Variants in DENND2A observed in about 807,000 individuals in gnomAD.
DENND2A encodes DENN domain containing 2A.
A neutral mutation model predicts 105.3 loss-of-function variants in DENND2A; 53 were observed. That is an observed-to-expected ratio of 0.50 (90% CI 0.40 to 0.63). The LOEUF (loss-of-function observed/expected upper bound fraction) is 0.63. Among genes scored for constraint, DENND2A ranks in the 30% least tolerant of loss-of-function variants. The pLI is 0.00. For missense variants in DENND2A, 1,138 were observed against 1,279.6 expected, an observed-to-expected ratio of 0.89 and a Z score of 1.69; for synonymous variants, 522 against 508.4, an observed-to-expected ratio of 1.03 and a Z score of -0.36.
chr7:140,602,294 G>A lies in DENND2A; in HGVS notation c.104C>T (p.Ala35Val), dbSNP rs985783872. 1.2e-6 allele frequency: 2 copies of A among 1,608,858 alleles called. No individual in the cohort carries two copies. Residue 35 changes from alanine to valine, a missense_variant, in exon 3 of 20, where the codon GCC becomes GTC. Physicochemically the swap from Ala to Val is moderately conservative, Grantham distance 64. Transcript: ENST00000496613. ...GGACTTGTGCCGGGGTCTGGCTCTGGCAGATGGGCAAGGGTTCTGAACACC... is the reference window on the plus strand; with the variant it reads ...GGACTTGTGCCGGGGTCTGGCTCTGACAGATGGGCAAGGGTTCTGAACACC... ...LRGVQNPCPSARARPRHKSLN... is the reference protein window; with the variant it reads ...LRGVQNPCPSVRARPRHKSLN...
Position 140,640,055 on chromosome 7 carries a change from C to T in DENND2A, c.-248+449G>A, listed in dbSNP as rs1419632038. ...CAAATGCTGACCGCTGTGAGGGGGG[C>T]CCGGCTGCTCAGCCGCCTCGATGCC... On this transcript the variant is annotated intron_variant, in intron 1 of 19. Coordinates refer to ENST00000496613, the MANE Select transcript of DENND2A (RefSeq NM_015689.5). The surrounding 1 kb of genome is among the most constrained non-coding windows in gnomAD (Gnocchi z 4.9). Among the ~76,000 whole-genome samples, 1 of 152,242 alleles carries T rather than the reference C, an allele frequency of 6.6e-6. No individual in the cohort carries two copies. Among genetic ancestry groups the T allele is most frequent in the South Asian group, 2.1e-4 (1 of 4,834 alleles).
intron 14 of DENND2A, among the ~76,000 whole-genome samples, chr7:140,536,074 C>G (rs1585572558): frequency 1.3e-5 from 2 of 152,122 alleles, no homozygotes; most frequent in African/African-American, 4.8e-5. Flanking sequence ...TAGAGAAGGC[C>G]GGGCATGGTG....
rs1205615191 is a variant in DENND2A at position 140,596,980 on chromosome 7, C to T, written c.995+4423G>A. Among the ~76,000 whole-genome samples, 4 of 152,110 alleles carry T rather than the reference C, an allele frequency of 2.6e-5. No individual in the cohort carries two copies. In the East Asian group the frequency reaches 7.7e-4, roughly 29 times the overall value. ...AATTTCCTGACATTTGAGGGTTTCT[C>T]ATTTTCCATTTTAGGATTGAAGGCC... is the stretch of plus-strand genomic sequence containing the variant. On this transcript the variant is annotated intron_variant, in intron 3 of 19. Coordinates refer to ENST00000496613, the MANE Select transcript of DENND2A (RefSeq NM_015689.5).
At chr7:140,533,978 A>G (rs1796363557) in intron 14 of DENND2A, among the ~76,000 whole-genome samples, 1 of 151,616 alleles carries the variant, frequency 6.6e-6, no homozygotes, top group Non-Finnish European at 1.5e-5. Flanking sequence ...CAGTGGCACG[A>G]TCTTGGCTCA....
intron 12 of DENND2A, among the ~76,000 whole-genome samples, chr7:140,547,659 A>G (rs1326625646): frequency 2.0e-5 from 3 of 152,224 alleles, no homozygotes; most frequent in Non-Finnish European, 2.9e-5. Context: ...GTGAAAACAT[A>G]TATGTTCACA....
At chr7:140,519,513 G>A (rs1205048667) in intron 19 of DENND2A, 119 bp downstream of exon 19, 8 of 792,086 alleles carry the variant, frequency 1.0e-5, no homozygotes, top group Admixed American at 9.7e-5. Context: ...TCTGCCCAGC[G>A]CAGGCCGTAG....
chr7:140,634,239 C>T (rs1303409586), intron 1 of DENND2A, among the ~76,000 whole-genome samples: 1 of 152,014 alleles, frequency 6.6e-6, no homozygotes, highest in Non-Finnish European at 1.5e-5. Context: ...ACCTCGTGAT[C>T]CGCCTGCCTT....
chr7:140,544,674 AC>A lies in DENND2A; in HGVS notation c.2270del (p.Cys757LeufsTer32), dbSNP rs1419523191. On this transcript the variant is annotated frameshift_variant, in exon 14 of 20. Transcript: ENST00000496613. LOFTEE classifies it high-confidence loss of function. ...TCTCCAGAAGCAGGGAGGCAAACAC[AC>A]AGACCAGGTGGCGGACGCTGAGGGA... ...FSSLSVRHLV[C>X]VFASLLLERR... is the part of the protein sequence containing the mutation. 1 of 1,614,006 alleles carries A rather than the reference AC, an allele frequency of 6.2e-7. No homozygotes were observed. Among genetic ancestry groups the A allele is most frequent in the Non-Finnish European group, 8.5e-7 (1 of 1,180,022 alleles).
intron 3 of DENND2A, among the ~76,000 whole-genome samples, chr7:140,591,792 CTT>C (rs1421789094): frequency 1.4e-5 from 2 of 142,328 alleles, no homozygotes; most frequent in Non-Finnish European, 3.0e-5. Flanking sequence ...TCTTTCTTTT[CTT>C]TTCTTTCTTT....
At chr7:140,625,654 C>T (rs574911941) in intron 1 of DENND2A, among the ~76,000 whole-genome samples, 1 of 152,276 alleles carries the variant, frequency 6.6e-6, no homozygotes, top group South Asian at 2.1e-4. Context: ...TGCACTCCAG[C>T]CTGCCAGACA....
In DENND2A at chr7:140,594,439, C is replaced by T. The variant is rs949460541; in HGVS notation, c.996-6659G>A. Among the ~76,000 whole-genome samples the T allele has an allele frequency of 3.3e-5, 5 of 152,118 alleles. No homozygotes were observed. The East Asian group carries it at 5.8e-4, about 18-fold the overall frequency. ...CACCTATTAGTTCACTCAAACTGAA[C>T]GTCCACTCCCCACCCTCCCGCTGGC... On this transcript the variant is annotated intron_variant, in intron 3 of 19. Coordinates refer to ENST00000496613, the MANE Select transcript of DENND2A (RefSeq NM_015689.5).
chr7:140,526,969 C>A (rs1044579738), intron 15 of DENND2A, among the ~76,000 whole-genome samples: 7 of 152,174 alleles, frequency 4.6e-5, no homozygotes, highest in Non-Finnish European at 1.0e-4. Context: ...CGGACCAGAT[C>A]TTGCTAGCTC....
At chr7:140,526,105 G>A (rs1012116258) in intron 15 of DENND2A, among the ~76,000 whole-genome samples, 1 of 152,280 alleles carries the variant, frequency 6.6e-6, no homozygotes, top group Middle Eastern at 3.4e-3. Context: ...TAGGGTGTGG[G>A]CTACTGAGGT....
Position 140,562,662 on chromosome 7 carries a change from A to AAAACAAAC in DENND2A, c.1780-2853_1780-2846dup, listed in dbSNP as rs112941923. ...GGGTGACAAAGGGAGGCTCCGTCTCAAAACAAACAAACAAAACAACAACAA... is the reference window on the plus strand; with the variant it reads ...GGGTGACAAAGGGAGGCTCCGTCTCAAAACAAACAAACAAACAAACAAAACAACAACAA... On this transcript the variant is annotated intron_variant, in intron 9 of 19. Transcript: ENST00000496613. 6.4e-4 allele frequency among the ~76,000 whole-genome samples: 96 copies of AAAACAAAC among 150,908 alleles called. 2 individuals are homozygous for AAAACAAAC. Among genetic ancestry groups the AAAACAAAC allele is most frequent in the African/African-American group, 1.9e-3 (80 of 41,144 alleles).
Position 140,527,264 on chromosome 7 carries a change from C to G in DENND2A, c.2505+54G>C. Reference sequence around the variant, plus strand: ...CATGATGCCTGCAGAGCCAGCGCCCCGCTCTGTTCTCCGCACCCTGCAGGG... The same window carrying G: ...CATGATGCCTGCAGAGCCAGCGCCCGGCTCTGTTCTCCGCACCCTGCAGGG... On this transcript the variant is annotated intron_variant, in intron 15 of 19. Transcript: ENST00000496613. The surrounding 1 kb of genome is among the most constrained non-coding windows in gnomAD (Gnocchi z 4.9). 6.7e-7 allele frequency: 1 copy of G among 1,489,738 alleles called. No homozygotes were observed. The highest frequency in any genetic ancestry group is 1.3e-5 in the South Asian group (1 of 75,874). The allele number at this position is 1,489,738 out of a possible 1,614,324, so 92.3% of individuals were successfully genotyped here. A position where few individuals can be genotyped will look rare whatever the true frequency, so the allele number is the denominator to read the frequency against.
At chr7:140,586,315 T>C (rs1012118984) in intron 4 of DENND2A, among the ~76,000 whole-genome samples, 1 of 149,766 alleles carries the variant, frequency 6.7e-6, no homozygotes, top group South Asian at 2.1e-4. Flanking sequence ...GCCCAGGAGT[T>C]TGAGACTAGC....
At chr7:140,636,687 T>C (rs1276269896) in intron 1 of DENND2A, among the ~76,000 whole-genome samples, 1 of 142,966 alleles carries the variant, frequency 7.0e-6, no homozygotes, top group Non-Finnish European at 1.5e-5. Context: ...CCCCAGCCTT[T>C]TTTTTTTTTT....
chr7:140,620,789 AGAG>A (rs1321472308), intron 1 of DENND2A, among the ~76,000 whole-genome samples: 1 of 152,208 alleles, frequency 6.6e-6, no homozygotes, highest in East Asian at 1.9e-4. Flanking sequence ...CCTTTCCCTT[AGAG>A]ATGACCAAGA....
rs759315002 is a variant in DENND2A, at chr7:140,546,794, C to T, written c.2178+5G>A. On this transcript the variant is annotated splice_donor_5th_base_variant and intron_variant, in intron 13 of 19. Transcript: ENST00000496613. ...CAGGGAGAAGGAAGGAGTCTGACAA[C>T]TCACCTCAGTTCCTGAACCTGGCAG... 1.2e-6 allele frequency: 2 copies of T among 1,613,916 alleles called. No homozygotes were observed. The highest frequency in any genetic ancestry group is 1.7e-5 in the Admixed American group (1 of 59,994).
Sources: gnomAD v4.1 joint callset for allele counts (sites outside exome capture counted in the v4.1 genomes callset) on GRCh38, gnomAD v4.1.1 for gene constraint, Gnocchi (gnomAD v3.1) non-coding constraint, MANE v1.5 for transcripts, NCBI Gene and HGNC (gene_info 2026-07-23, HGNC 2026-07-21) for gene names.